NTM: variants seen among roughly 807,000 people sequenced by gnomAD.
NTM encodes neurotrimin.
In NTM, 13 loss-of-function variants were observed where a neutral mutation model predicts 42.1. That is an observed-to-expected ratio of 0.31 (90% CI 0.20 to 0.49). NTM has a LOEUF of 0.49. Among genes scored for constraint, NTM ranks in the 20% least tolerant of loss-of-function variants. The pLI is 0.99. For synonymous variants in NTM, 187 were observed against 179.2 expected, an observed-to-expected ratio of 1.04 and a Z score of -0.35; for missense variants, 373 against 452.8, an observed-to-expected ratio of 0.82 and a Z score of 1.60.
chr11:131,681,682 CGT>C (rs566712576), intron 1 of NTM, among the ~76,000 whole-genome samples: 312 of 58,698 alleles, frequency 5.3e-3, no homozygotes, highest in African/African-American at 0.014. Flanking sequence ...TGTGTGTGAG[CGT>C]GTGTGTTTCT....
At chr11:131,636,294 G>T (rs556286198) in intron 1 of NTM, among the ~76,000 whole-genome samples, 1 of 152,248 alleles carries the variant, frequency 6.6e-6, no homozygotes, top group South Asian at 2.1e-4. Flanking sequence ...CTGTACAACT[G>T]AAGTAACAGC....
At chr11:131,376,404 A>T (rs1219919897) in intron 1 of NTM, among the ~76,000 whole-genome samples, 1 of 152,180 alleles carries the variant, frequency 6.6e-6, no homozygotes, top group Non-Finnish European at 1.5e-5. Flanking sequence ...TGCTTCTAAA[A>T]TCATGACAGG....
intron 1 of NTM, among the ~76,000 whole-genome samples, chr11:131,900,838 A>G (rs760127569): frequency 6.6e-5 from 10 of 152,238 alleles, no homozygotes; most frequent in Non-Finnish European, 1.3e-4. Flanking sequence ...AATTTTGAGT[A>G]AAAATAACAT....
chr11:132,048,079 G>A (rs1594104410), intron 2 of NTM, among the ~76,000 whole-genome samples: 1 of 151,968 alleles, frequency 6.6e-6, no homozygotes, highest in Admixed American at 6.5e-5. Context: ...GCTTAGCTAT[G>A]TTTAAACTGT....
intron 1 of NTM, among the ~76,000 whole-genome samples, chr11:131,717,344 T>G (rs1470145832): frequency 6.6e-6 from 1 of 152,238 alleles, no homozygotes; most frequent in Non-Finnish European, 1.5e-5. Flanking sequence ...TTAACAATAT[T>G]GAGTCTCATG....
Position 131,808,158 on chromosome 11 carries a change from A to C in NTM, c.83-103406A>C, listed in dbSNP as rs1019910197. 6.6e-5 allele frequency among the ~76,000 whole-genome samples: 10 copies of C among 152,294 alleles called. No homozygotes were observed. In the South Asian group the frequency reaches 1.2e-3, roughly 19 times the overall value. On this transcript the variant is annotated intron_variant, in intron 1 of 8. Coordinates refer to ENST00000683400, the MANE Select transcript of NTM (RefSeq NM_001352005.2). ...TTTACTTATCTTTGAAATGGGATTT[A>C]TTATCTGACCCCTAGAAATGCTATG...
At chr11:131,823,614 T>TG in intron 1 of NTM, among the ~76,000 whole-genome samples, 1 of 152,122 alleles carries the variant, frequency 6.6e-6, no homozygotes, top group South Asian at 2.1e-4. Context: ...AAAAGTGTCT[T>TG]GGGGAAAAAA....
chr11:131,646,607 C>T (rs1379608201), intron 1 of NTM, among the ~76,000 whole-genome samples: 2 of 152,070 alleles, frequency 1.3e-5, no homozygotes, highest in Admixed American at 6.5e-5. Flanking sequence ...TTTTAGCATA[C>T]GTGGTACTAA....
At chr11:132,278,599 A>C (rs1284149099) in intron 4 of NTM, among the ~76,000 whole-genome samples, 2 of 151,304 alleles carry the variant, frequency 1.3e-5, no homozygotes, top group Admixed American at 1.3e-4. Flanking sequence ...CATATTCTCC[A>C]CCTCTCAGTG....
intron 1 of NTM, chr11:131,911,079 C>T: frequency 1.8e-6 from 2 of 1,123,370 alleles, no homozygotes; most frequent in East Asian, 5.8e-5. Flanking sequence ...ATGAAGCCCA[C>T]CCCGTCCCCT....
chr11:131,822,305 G>A (rs2093222788), intron 1 of NTM, among the ~76,000 whole-genome samples: 1 of 151,970 alleles, frequency 6.6e-6, no homozygotes, highest in East Asian at 1.9e-4. Context: ...CAATTCACCT[G>A]CTTGTCCCCA....
intron 2 of NTM, among the ~76,000 whole-genome samples, chr11:131,972,042 C>CAAA (rs61627120): frequency 1.7e-4 from 10 of 57,832 alleles, no homozygotes; most frequent in Admixed American, 6.0e-4. Context: ...GACTCCGTCT[C>CAAA]AAAAAAAAAA....
intron 7 of NTM, among the ~76,000 whole-genome samples, chr11:132,320,940 C>T (rs55939334): frequency 0.033 from 4,878 of 149,458 alleles, 182 homozygotes; most frequent in East Asian, 0.14. Flanking sequence ...CTGCAGGGTA[C>T]TCCAACAGAC....
At chr11:131,732,334 T>C (rs910283360) in intron 1 of NTM, among the ~76,000 whole-genome samples, 3 of 152,240 alleles carry the variant, frequency 2.0e-5, no homozygotes, top group African/African-American at 4.8e-5. Context: ...ATCTTTATCA[T>C]AGAAAATCTC....
chr11:131,887,133 T>C (rs2050536845), intron 1 of NTM, among the ~76,000 whole-genome samples: 1 of 152,212 alleles, frequency 6.6e-6, no homozygotes, highest in Non-Finnish European at 1.5e-5. Flanking sequence ...GATTAGATTG[T>C]AAGTATTTTT....
intron 1 of NTM, among the ~76,000 whole-genome samples, chr11:131,843,805 C>T (rs746900217): frequency 7.2e-5 from 11 of 152,140 alleles, no homozygotes; most frequent in Non-Finnish European, 1.6e-4. Context: ...TATTTATTAG[C>T]CATTTCATTT....
intron 2 of NTM, among the ~76,000 whole-genome samples, chr11:132,097,739 T>A (rs2061182624): frequency 6.6e-6 from 1 of 152,258 alleles, no homozygotes. Context: ...GAACTTCTGA[T>A]GAAAGGGCTT....
intron 1 of NTM, among the ~76,000 whole-genome samples, chr11:131,674,345 T>C (rs1391253832): frequency 6.6e-6 from 1 of 152,206 alleles, no homozygotes; most frequent in East Asian, 1.9e-4. Flanking sequence ...AAGGAGAGGC[T>C]GGTATAGTAG....
intron 4 of NTM, among the ~76,000 whole-genome samples, chr11:132,234,628 A>C (rs368214395): frequency 6.6e-6 from 1 of 152,230 alleles, no homozygotes; most frequent in Non-Finnish European, 1.5e-5. Context: ...TTACGATTTC[A>C]TAATTTCAAA....
Sources: allele counts gnomAD v4.1 joint callset (sites outside exome capture counted in the v4.1 genomes callset), GRCh38; gene constraint gnomAD v4.1.1; transcripts MANE v1.5; gene names NCBI Gene and HGNC (gene_info 2026-07-23, HGNC 2026-07-21).